The following LRP1B variants were observed in gnomAD, a reference collection of about 807,000 sequenced individuals.
LRP1B encodes low-density lipoprotein receptor-related protein 1B.
A neutral mutation model predicts 556.6 loss-of-function variants in LRP1B; 217 were observed. That is an observed-to-expected ratio of 0.39 (90% CI 0.35 to 0.44). LRP1B has a LOEUF of 0.44. Ranked by LOEUF, LRP1B falls within the 20% of genes least tolerant of loss-of-function variation. LRP1B has a pLI of 1.00. For missense variants in LRP1B, 5,053 were observed against 5,620.8 expected (o/e 0.90, Z 3.23); for synonymous variants, 2,047 against 1,865.8 (o/e 1.10, Z -2.50).
intron 33 of LRP1B, among the ~76,000 whole-genome samples, chr2:140,774,421 C>T (rs1248531125): frequency 1.3e-5 from 2 of 151,992 alleles, no homozygotes; most frequent in Non-Finnish European, 2.9e-5. Context: ...GTAAATGTTT[C>T]CCCCTAAAAA....
chr2:141,144,636 CATT>C (rs1701737323), intron 7 of LRP1B, among the ~76,000 whole-genome samples: 1 of 152,098 alleles, frequency 6.6e-6, no homozygotes, highest in East Asian at 1.9e-4. Flanking sequence ...GCTAGAAGAT[CATT>C]ATTAAGTCAC....
intron 41 of LRP1B, among the ~76,000 whole-genome samples, chr2:140,614,235 C>T (rs148605343): frequency 6.6e-6 from 1 of 152,202 alleles, no homozygotes; most frequent in Non-Finnish European, 1.5e-5. Context: ...ATTGCAATGG[C>T]ATATTATTGA....
intron 43 of LRP1B, among the ~76,000 whole-genome samples, chr2:140,564,323 A>G (rs912076557): frequency 1.3e-5 from 2 of 152,108 alleles, no homozygotes; most frequent in African/African-American, 4.8e-5. Context: ...CACTTTAGCA[A>G]TATGTATTGT....
chr2:140,446,157 T>C (rs972523037), intron 63 of LRP1B, among the ~76,000 whole-genome samples: 1 of 152,166 alleles, frequency 6.6e-6, no homozygotes, highest in Non-Finnish European at 1.5e-5. Flanking sequence ...TCTCATACTT[T>C]AAGCATGTGC....
chr2:140,628,255 G>A (rs1374374320), intron 41 of LRP1B, among the ~76,000 whole-genome samples: 1 of 152,180 alleles, frequency 6.6e-6, no homozygotes, highest in African/African-American at 2.4e-5. Context: ...ATCTGGCTGG[G>A]CGCAGTGGCT....
rs748087795 is a variant in LRP1B, at chr2:140,516,928, G to C, written c.8110C>G (p.Gln2704Glu). The C allele has an allele frequency of 6.2e-7, 1 of 1,613,054 alleles. No individual in the cohort carries two copies. Among genetic ancestry groups the C allele is most frequent in the South Asian group, 1.1e-5 (1 of 91,052 alleles). The change falls in exon 50 of 91, where the codon CAG becomes GAG. Residue 2704 changes from glutamine (Q) to glutamate (E), a missense_variant. Transcript: ENST00000389484. Reference protein sequence around the residue: ...CILNTWICDGQKDCEDGRDEF... With the variant: ...CILNTWICDGEKDCEDGRDEF... Reference sequence around the variant, plus strand: ...TCACGTCCATCCTCACAATCTTTCTGACCATCGCATATCCAGGTATTCAAA... The same window carrying C: ...TCACGTCCATCCTCACAATCTTTCTCACCATCGCATATCCAGGTATTCAAA...
At position 140,232,017 on chromosome 2, in the gene LRP1B, C is replaced by T. The variant is rs921994217; in HGVS notation, c.*1169G>A. On this transcript the variant is annotated 3_prime_UTR_variant, in exon 91 of 91. Transcript: ENST00000389484. ...ATGCGTTCTGTAAAACCCAGAGAAA[C>T]CTGAATACCAGAGCAACTGGCACAG... The T allele has an allele frequency of 1.3e-5, 2 of 151,342 alleles. No individual in the cohort carries two copies. The highest frequency in any genetic ancestry group is 4.8e-5 in the African/African-American group (2 of 41,278). 9.4% of individuals were successfully genotyped at this position (151,342 alleles called of 1,614,324 possible).
intron 2 of LRP1B, among the ~76,000 whole-genome samples, chr2:141,679,887 T>C (rs1003864596): frequency 2.6e-5 from 4 of 151,286 alleles, no homozygotes; most frequent in African/African-American, 9.7e-5. Flanking sequence ...AAATACTATA[T>C]ATTATTTATG....
Position 141,247,257 on chromosome 2 carries a change from C to T in LRP1B, c.561G>A (p.Gln187=). Residue 187 remains glutamine, a synonymous_variant, in exon 5 of 91, where the codon CAG becomes CAA. Transcript: ENST00000389484. ...TCSCVEGYLM[Q]PDNRSCKAKI... ...TAGCCTTGCAAGATCTGTTGTCTGGCTGCATTAGGTAGCCTTCCACACAAC... is the reference window on the plus strand; with the variant it reads ...TAGCCTTGCAAGATCTGTTGTCTGGTTGCATTAGGTAGCCTTCCACACAAC... The T allele has an allele frequency of 1.2e-6, 2 of 1,613,782 alleles. No individual in the cohort carries two copies. Among genetic ancestry groups the T allele is most frequent in the Non-Finnish European group, 1.7e-6 (2 of 1,179,794 alleles).
At chr2:141,132,111 T>C (rs1701373931) in intron 7 of LRP1B, among the ~76,000 whole-genome samples, 1 of 152,154 alleles carries the variant, frequency 6.6e-6, no homozygotes, top group South Asian at 2.1e-4. Context: ...TTTTAACTTC[T>C]GTAAATAATA....
At chr2:141,854,030 G>C (rs1558919504) in intron 1 of LRP1B, among the ~76,000 whole-genome samples, 1 of 151,808 alleles carries the variant, frequency 6.6e-6, no homozygotes, top group African/African-American at 2.4e-5. Context: ...GATAATACAA[G>C]AAAATTAAAT....
chr2:140,645,533 C>CTTTTT lies in LRP1B; in HGVS notation c.6800-43899_6800-43895dup, dbSNP rs36082249. On this transcript the variant is annotated intron_variant, in intron 41 of 90. Coordinates refer to ENST00000389484, the MANE Select transcript of LRP1B (RefSeq NM_018557.3). ...TCTATACTAACCCTTTGCCAATATT[C>CTTTTT]TTTTTTTTTTTTTTTTTTTTTTTTG... is the stretch of plus-strand genomic sequence containing the variant. Among the ~76,000 whole-genome samples the CTTTTT allele has an allele frequency of 2.0e-3, 163 of 81,214 alleles. 1 individual carries two copies. Among genetic ancestry groups the CTTTTT allele is most frequent in the Non-Finnish European group, 2.3e-3 (107 of 45,966 alleles). 53.3% of individuals were successfully genotyped at this position (81,214 alleles called of 152,430 possible). A position where few individuals can be genotyped will look rare whatever the true frequency, so the allele number is the denominator to read the frequency against.
chr2:142,050,745 G>A (rs946914372), intron 1 of LRP1B, among the ~76,000 whole-genome samples: 1 of 152,036 alleles, frequency 6.6e-6, no homozygotes, highest in African/African-American at 2.4e-5. Context: ...AATATATATT[G>A]AGGATACTAC....
rs1011921858 is a variant in LRP1B, at chr2:140,721,885, T to G, written c.5759-5069A>C. 3.9e-5 allele frequency among the ~76,000 whole-genome samples: 6 copies of G among 151,976 alleles called. No individual in the cohort carries two copies. In the South Asian group the frequency reaches 1.2e-3, roughly 32 times the overall value. ...TTTGTCATGCCTTAGTAATTTATAA[T>G]GTATATATATTTAAGTATATAAATT... On this transcript the variant is annotated intron_variant, in intron 35 of 90. Coordinates refer to ENST00000389484, the MANE Select transcript of LRP1B (RefSeq NM_018557.3).
rs190359778 is a variant in LRP1B, at chr2:140,979,547, T to C, written c.2887+2613A>G. ...CTAATTCCACATTCAGAGAATCATG[T>C]TGGCAACTTGATATTGGCCAGGGTG... On this transcript the variant is annotated intron_variant, in intron 18 of 90. Coordinates refer to ENST00000389484, the MANE Select transcript of LRP1B (RefSeq NM_018557.3). 3.5e-4 allele frequency among the ~76,000 whole-genome samples: 54 copies of C among 152,254 alleles called. No individual in the cohort carries two copies. The East Asian group carries it at 9.6e-3, about 27-fold the overall frequency.
At chr2:142,010,922 G>C (rs1165103935) in intron 1 of LRP1B, among the ~76,000 whole-genome samples, 1 of 152,136 alleles carries the variant, frequency 6.6e-6, no homozygotes, top group Non-Finnish European at 1.5e-5. Context: ...GCTGCTCCCT[G>C]CTTCATGTAT....
At chr2:141,203,817 T>A (rs1573646296) in intron 6 of LRP1B, among the ~76,000 whole-genome samples, 1 of 152,092 alleles carries the variant, frequency 6.6e-6, no homozygotes, top group East Asian at 1.9e-4. Context: ...AGAACGGAAA[T>A]CATAACAAAT....
At position 140,307,346 on chromosome 2, in the gene LRP1B, A is replaced by C. The variant is rs1400146165; in HGVS notation, c.12805+7589T>G. Among the ~76,000 whole-genome samples the C allele has an allele frequency of 3.3e-5, 5 of 151,936 alleles. No individual in the cohort carries two copies. The South Asian group carries it at 8.3e-4, about 25-fold the overall frequency. ...CACAGTAACTGGAAGTTTTACTATTAGTAGAAATATTGGCATTATTACTAC... is the reference window on the plus strand; with the variant it reads ...CACAGTAACTGGAAGTTTTACTATTCGTAGAAATATTGGCATTATTACTAC... On this transcript the variant is annotated intron_variant, in intron 83 of 90. Transcript: ENST00000389484.
At chr2:141,464,254 G>A (rs112074879) in intron 3 of LRP1B, among the ~76,000 whole-genome samples, 48 of 152,132 alleles carry the variant, frequency 3.2e-4, no homozygotes, top group African/African-American at 1.1e-3. Context: ...TATACATAGG[G>A]AATTTGGTAC....
Sources: allele counts gnomAD v4.1 joint callset (sites outside exome capture counted in the v4.1 genomes callset), GRCh38; gene constraint gnomAD v4.1.1; transcripts MANE v1.5; gene names NCBI Gene and HGNC (gene_info 2026-07-23, HGNC 2026-07-21).